The following ZNF536 variants were observed in gnomAD, a reference collection of about 807,000 sequenced individuals.
ZNF536 encodes the protein zinc finger protein 536.
In ZNF536, 13 loss-of-function variants were observed where a neutral mutation model predicts 84.5. The ratio of observed to expected loss-of-function variants is 0.15; its 90% CI spans 0.10 to 0.24. ZNF536 has a LOEUF of 0.24. Ranked by LOEUF, ZNF536 falls within the 10% of genes least tolerant of loss-of-function variation. ZNF536 has a pLI of 1.00. For missense variants in ZNF536, 1,536 were observed against 1,747.5 expected, an observed-to-expected ratio of 0.88 and a Z score of 2.16; for synonymous variants, 811 against 742.5, an observed-to-expected ratio of 1.09 and a Z score of -1.50.
At chr19:30,690,334 G>A (rs912951414) in intron 1 of ZNF536, among the ~76,000 whole-genome samples, 6 of 152,130 alleles carry the variant, frequency 3.9e-5, no homozygotes, top group African/African-American at 1.4e-4. Flanking sequence ...GCCTTCTGAG[G>A]ATGGGAGGGG....
At chr19:30,240,236 G>T (rs1207792364) in intron 1 of ZNF536, among the ~76,000 whole-genome samples, 1 of 152,112 alleles carries the variant, frequency 6.6e-6, no homozygotes, top group Non-Finnish European at 1.5e-5. Flanking sequence ...AGCCAGGCAT[G>T]GTGGCGGGTG....
chr19:30,462,294 G>T (rs377129009), intron 2 of ZNF536, among the ~76,000 whole-genome samples: 2 of 140,424 alleles, frequency 1.4e-5, no homozygotes, highest in East Asian at 2.0e-4. Flanking sequence ...TTGTGATTTT[G>T]TGTGTGTGAG....
chr19:30,251,353 T>C (rs975953188), intron 1 of ZNF536, among the ~76,000 whole-genome samples: 3 of 152,134 alleles, frequency 2.0e-5, no homozygotes, highest in East Asian at 1.9e-4. Flanking sequence ...CCCATATGGA[T>C]GGTTGGTGTG....
intron 1 of ZNF536, among the ~76,000 whole-genome samples, chr19:30,706,892 GA>G (rs965629765): frequency 6.6e-6 from 1 of 152,174 alleles, no homozygotes; most frequent in African/African-American, 2.4e-5. Flanking sequence ...GTCCATTTCA[GA>G]GAAGCTTTGG....
intron 1 of ZNF536, among the ~76,000 whole-genome samples, chr19:30,249,671 CA>C (rs1293073057): frequency 6.6e-6 from 1 of 152,156 alleles, no homozygotes; most frequent in Non-Finnish European, 1.5e-5. Context: ...AAAGCAAAAC[CA>C]AAAACCCACA....
At chr19:30,474,019 G>A (rs145865380) in intron 2 of ZNF536, among the ~76,000 whole-genome samples, 19 of 152,354 alleles carry the variant, frequency 1.2e-4, no homozygotes, top group Non-Finnish European at 2.5e-4. Context: ...GCCCATAGTA[G>A]CTGCTCAGTG....
At chr19:30,384,398 C>T (rs2049253541) in intron 1 of ZNF536, among the ~76,000 whole-genome samples, 1 of 140,044 alleles carries the variant, frequency 7.1e-6, no homozygotes, top group Admixed American at 7.6e-5. Context: ...ATTAAGGACC[C>T]ATGGCAGACC....
chr19:30,615,742 C>T (rs2048272131), intron 1 of ZNF536, among the ~76,000 whole-genome samples: 2 of 152,226 alleles, frequency 1.3e-5, no homozygotes, highest in South Asian at 2.1e-4. Context: ...ATTGTTATGA[C>T]TTGGAGTCTT....
rs1168620814 is a variant in ZNF536, at chr19:30,534,810, G to A, written c.2171-37G>A. 5 of 1,583,466 alleles carry A rather than the reference G, an allele frequency of 3.2e-6. No homozygotes were observed. In the South Asian group the frequency reaches 3.5e-5, roughly 11 times the overall value. On this transcript the variant is annotated intron_variant, in intron 2 of 4. Coordinates refer to ENST00000355537, the MANE Select transcript of ZNF536 (RefSeq NM_014717.3). ...TTGGTGCGAACAACTCCTGACATGT[G>A]CTGAAGTGATGTGAGAACGTTTCTC... is the stretch of plus-strand genomic sequence containing the variant.
At chr19:30,324,534 C>T (rs549573614) in intron 2 of ZNF536, among the ~76,000 whole-genome samples, 5 of 152,314 alleles carry the variant, frequency 3.3e-5, no homozygotes, top group African/African-American at 9.6e-5. Flanking sequence ...AGGCACATGC[C>T]GCCATGCCTG....
chr19:30,342,761 G>T (rs1261021475), intron 2 of ZNF536, among the ~76,000 whole-genome samples: 2 of 152,184 alleles, frequency 1.3e-5, no homozygotes, highest in African/African-American at 4.8e-5. Flanking sequence ...ACTCTAGCAT[G>T]AGTTTAATTT....
intron 2 of ZNF536, among the ~76,000 whole-genome samples, chr19:30,528,993 C>T (rs1254069225): frequency 3.3e-5 from 5 of 149,986 alleles, no homozygotes; most frequent in African/African-American, 1.2e-4. Context: ...CATGGCGGGA[C>T]CCGGAGGTCT....
intron 1 of ZNF536, among the ~76,000 whole-genome samples, chr19:30,596,463 G>A (rs2047466428): frequency 6.6e-6 from 1 of 152,148 alleles, no homozygotes. Context: ...CACAGCCATT[G>A]GGGCAGGTGT....
At chr19:30,269,371 A>G (rs929028330) in intron 1 of ZNF536, among the ~76,000 whole-genome samples, 9 of 152,188 alleles carry the variant, frequency 5.9e-5, no homozygotes, top group African/African-American at 2.2e-4. Context: ...TGCACCAGGG[A>G]TAATTTAATG....
chr19:30,636,568 T>C (rs1015477581), intron 1 of ZNF536, among the ~76,000 whole-genome samples: 20 of 152,240 alleles, frequency 1.3e-4, no homozygotes, highest in African/African-American at 4.8e-4. Context: ...TTATTCTTTC[T>C]GTCTGTTTAA....
chr19:30,541,443 T>C (rs1445635653), intron 3 of ZNF536, among the ~76,000 whole-genome samples: 1 of 152,218 alleles, frequency 6.6e-6, no homozygotes, highest in African/African-American at 2.4e-5. Flanking sequence ...TTTTTTTCTT[T>C]TTGTTTTGAA....
At chr19:30,425,218 C>A (rs1205646444) in intron 1 of ZNF536, among the ~76,000 whole-genome samples, 1 of 151,158 alleles carries the variant, frequency 6.6e-6, no homozygotes, top group Non-Finnish European at 1.5e-5. Context: ...CCAAACGCCA[C>A]GTGTTCCCCA....
intron 2 of ZNF536, among the ~76,000 whole-genome samples, chr19:30,331,529 G>T (rs1040029449): frequency 6.6e-5 from 10 of 152,032 alleles, no homozygotes; most frequent in African/African-American, 2.4e-4. Flanking sequence ...TGTTCACTCC[G>T]AGTTTCTGCA....
At chr19:30,589,019 TG>T (rs965770077) in intron 1 of ZNF536, among the ~76,000 whole-genome samples, 31 of 152,286 alleles carry the variant, frequency 2.0e-4, no homozygotes, top group African/African-American at 7.5e-4. Flanking sequence ...GAAAGGGAGC[TG>T]GGGTGTTTCT....
Sources: gnomAD v4.1 joint callset for allele counts (sites outside exome capture counted in the v4.1 genomes callset) on GRCh38, gnomAD v4.1.1 for gene constraint, MANE v1.5 for transcripts, NCBI Gene and HGNC (gene_info 2026-07-23, HGNC 2026-07-21) for gene names.